The following COBL variants were observed in gnomAD, a reference collection of about 807,000 sequenced individuals.
COBL encodes cordon-bleu WH2 repeat protein.
Under a neutral mutation model 98.8 loss-of-function variants are expected in COBL, and 51 were observed. The ratio of observed to expected loss-of-function variants is 0.52; its 90% CI spans 0.41 to 0.65. The LOEUF (loss-of-function observed/expected upper bound fraction) is 0.65. COBL is among the 30% of genes least tolerant of loss of function. COBL has a pLI of 0.00. For missense variants in COBL, 1,617 were observed against 1,617.5 expected (o/e 1.00, Z 0.01); for synonymous variants, 634 against 651.7 (o/e 0.97, Z 0.41).
chr7:51,035,800 C>T (rs1030594561), intron 8 of COBL: 4 of 152,298 alleles, frequency 2.6e-5, no homozygotes, highest in East Asian at 1.9e-4. Context: ...GGCAAGCGCT[C>T]GGCAGCCACA....
chr7:51,083,025 T>C (rs1793823431), intron 7 of COBL: 1 of 1,533,360 alleles, frequency 6.5e-7, no homozygotes, highest in Non-Finnish European at 8.7e-7. Flanking sequence ...GATGAACAGT[T>C]AACACAGTCG....
At chr7:51,221,050 CTAA>C (rs1264601262) in intron 1 of COBL, among the ~76,000 whole-genome samples, 13 of 152,294 alleles carry the variant, frequency 8.5e-5, no homozygotes, top group African/African-American at 2.9e-4. Flanking sequence ...AGGACCTATG[CTAA>C]TAATAACCTT....
At chr7:51,271,608 G>A (rs780048335) in intron 1 of COBL, among the ~76,000 whole-genome samples, 2 of 152,170 alleles carry the variant, frequency 1.3e-5, no homozygotes, top group Admixed American at 6.5e-5. Context: ...TGAGTAAATC[G>A]ATAAAAGTTT....
intron 12 of COBL, among the ~76,000 whole-genome samples, chr7:51,024,620 T>C (rs1362148192): frequency 6.6e-6 from 1 of 152,024 alleles, no homozygotes. Context: ...TCCGTAACTG[T>C]CCAACATTAG....
At chr7:51,083,932 T>G (rs1186811019) in intron 7 of COBL, among the ~76,000 whole-genome samples, 1 of 152,126 alleles carries the variant, frequency 6.6e-6, no homozygotes, top group Admixed American at 6.5e-5. Flanking sequence ...GGATGCCACT[T>G]AAAATTTAAA....
At chr7:51,155,811 T>C (rs1208352557) in intron 5 of COBL, among the ~76,000 whole-genome samples, 3 of 152,074 alleles carry the variant, frequency 2.0e-5, no homozygotes, top group Admixed American at 6.6e-5. Flanking sequence ...CCTGTGTGAA[T>C]TGCTTAGAAC....
chr7:51,019,040 C>A (rs1786652400), intron 12 of COBL, among the ~76,000 whole-genome samples: 3 of 146,874 alleles, frequency 2.0e-5, no homozygotes, highest in African/African-American at 5.0e-5. Context: ...TCCAGTGTGG[C>A]CTAGGGAAGG....
intron 6 of COBL, among the ~76,000 whole-genome samples, chr7:51,105,600 A>G (rs1433853180): frequency 6.6e-6 from 1 of 151,880 alleles, no homozygotes; most frequent in African/African-American, 2.4e-5. Context: ...AATACAAACA[A>G]ATTAGCTGGG....
chr7:51,247,950 C>T lies in COBL; in HGVS notation c.42-28006G>A, dbSNP rs536502358. Among the ~76,000 whole-genome samples the T allele has an allele frequency of 5.9e-5, 9 of 152,096 alleles. No homozygotes were observed. The East Asian group carries it at 1.7e-3, about 29-fold the overall frequency. On this transcript the variant is annotated intron_variant, in intron 1 of 12. Coordinates refer to ENST00000265136, the MANE Select transcript of COBL (RefSeq NM_015198.5). ...GTCAGGAGTTCAAGACCAGCCTGGC[C>T]AACATGGTGAAACCCCCGTCTCTAC...
chr7:51,256,032 C>T (rs1187177536), intron 1 of COBL, among the ~76,000 whole-genome samples: 1 of 152,160 alleles, frequency 6.6e-6, no homozygotes, highest in African/African-American at 2.4e-5. Flanking sequence ...TGTTCTAACA[C>T]ACCCATGCTT....
At chr7:51,148,930 A>T (rs1190724852) in intron 5 of COBL, among the ~76,000 whole-genome samples, 2 of 152,022 alleles carry the variant, frequency 1.3e-5, no homozygotes, top group Non-Finnish European at 2.9e-5. Context: ...TCACCCCACC[A>T]CAAAAAAATC....
intron 6 of COBL, among the ~76,000 whole-genome samples, chr7:51,117,592 T>C (rs1363638436): frequency 6.6e-6 from 1 of 152,178 alleles, no homozygotes; most frequent in Admixed American, 6.5e-5. Flanking sequence ...TTTTTTCTTT[T>C]TTTCATTCAT....
intron 5 of COBL, among the ~76,000 whole-genome samples, chr7:51,145,469 CTCCCGGGT>C (rs1348079681): frequency 6.6e-6 from 1 of 151,708 alleles, no homozygotes; most frequent in Non-Finnish European, 1.5e-5. Context: ...CAACCTCTAC[CTCCCGGGT>C]TCAAGCTTCT....
intron 5 of COBL, among the ~76,000 whole-genome samples, chr7:51,138,905 C>T (rs1799487222): frequency 6.6e-6 from 1 of 152,172 alleles, no homozygotes; most frequent in Non-Finnish European, 1.5e-5. Flanking sequence ...CCCAGTTCCT[C>T]TTGTCCTCGG....
intron 1 of COBL, among the ~76,000 whole-genome samples, chr7:51,220,992 A>G (rs1239518723): frequency 1.3e-5 from 2 of 152,072 alleles, no homozygotes; most frequent in Admixed American, 1.3e-4. Flanking sequence ...CTGGTATTTT[A>G]TTGTCGTGGT....
chr7:51,051,602 C>T (rs1277205213), intron 7 of COBL, among the ~76,000 whole-genome samples: 1 of 152,186 alleles, frequency 6.6e-6, no homozygotes, highest in Non-Finnish European at 1.5e-5. Flanking sequence ...GGCTGTCTTT[C>T]CTGTGTTTAA....
intron 5 of COBL, chr7:51,156,108 T>C (rs1786103184): frequency 2.9e-5 from 28 of 961,894 alleles, no homozygotes; most frequent in Non-Finnish European, 3.2e-5. Context: ...AAATTCATTG[T>C]GCTAAAAGAA....
intron 5 of COBL, among the ~76,000 whole-genome samples, chr7:51,154,776 G>A (rs1449229464): frequency 6.6e-6 from 1 of 152,196 alleles, no homozygotes; most frequent in Non-Finnish European, 1.5e-5. Flanking sequence ...CATCAAAATT[G>A]AGAGTTCTGG....
intron 7 of COBL, among the ~76,000 whole-genome samples, chr7:51,047,764 A>G (rs937397286): frequency 1.3e-5 from 2 of 152,188 alleles, no homozygotes; most frequent in African/African-American, 4.8e-5. Flanking sequence ...ACTTCATCTT[A>G]ACCTGTGTTG....
Sources: allele counts gnomAD v4.1 joint callset (sites outside exome capture counted in the v4.1 genomes callset), GRCh38; gene constraint gnomAD v4.1.1; transcripts MANE v1.5; gene names NCBI Gene and HGNC (gene_info 2026-07-23, HGNC 2026-07-21).